The following DPP6 variants were observed in gnomAD, a reference collection of about 807,000 sequenced individuals.
DPP6 encodes A-type potassium channel modulatory protein DPP6.
In DPP6, 69 loss-of-function variants were observed where a neutral mutation model predicts 122.6. The ratio of observed to expected loss-of-function variants is 0.56; its 90% confidence interval spans 0.46 to 0.69. The LOEUF is 0.69. Among genes scored for constraint, DPP6 ranks in the 30% least tolerant of loss-of-function variants. DPP6 has a pLI of 0.00. For synonymous variants in DPP6, 418 were observed against 433.1 expected (o/e 0.97, Z 0.43); for missense variants, 928 against 1,116.9 (o/e 0.83, Z 2.41).
chr7:153,878,296 C>T, the DPP6 span, among the ~76,000 whole-genome samples: 1 of 151,864 alleles, frequency 6.6e-6, no homozygotes, highest in Non-Finnish European at 1.5e-5. Context: ...GATATATAGC[C>T]TTCAGAAATT....
intron 3 of DPP6, among the ~76,000 whole-genome samples, chr7:154,531,701 C>T (rs906969872): frequency 4.6e-5 from 7 of 151,976 alleles, no homozygotes; most frequent in African/African-American, 1.7e-4. Flanking sequence ...TAAACTAAAA[C>T]TATAACATTG....
At chr7:154,076,192 A>G (rs1016872696) in intron 1 of DPP6, among the ~76,000 whole-genome samples, 13 of 152,304 alleles carry the variant, frequency 8.5e-5, no homozygotes, top group Admixed American at 6.5e-4. Flanking sequence ...CCTCACACCT[A>G]TAATCCCAGC....
intron 1 of DPP6, among the ~76,000 whole-genome samples, chr7:154,363,375 G>C (rs967666026): frequency 1.3e-5 from 2 of 152,230 alleles, no homozygotes; most frequent in Non-Finnish European, 2.9e-5. Context: ...TCAAGAGAGG[G>C]TTGGGTAGGG....
intron 1 of DPP6, among the ~76,000 whole-genome samples, chr7:154,002,995 C>A (rs1325551925): frequency 6.6e-6 from 1 of 151,956 alleles, no homozygotes; most frequent in Admixed American, 6.6e-5. Flanking sequence ...TGAGTTCAGG[C>A]TAAAACAGGG....
intron 2 of DPP6, among the ~76,000 whole-genome samples, chr7:154,466,124 A>G (rs1041357635): frequency 6.6e-6 from 1 of 151,878 alleles, no homozygotes; most frequent in African/African-American, 2.4e-5. Context: ...CAAATACTGC[A>G]TGTTCTCACT....
At chr7:154,387,333 G>A (rs1814207516) in intron 1 of DPP6, among the ~76,000 whole-genome samples, 2 of 152,302 alleles carry the variant, frequency 1.3e-5, no homozygotes, top group South Asian at 4.1e-4. Flanking sequence ...GACTAGGAGG[G>A]GAGGGAGTCA....
At chr7:154,626,540 G>T (rs549917493) in intron 5 of DPP6, among the ~76,000 whole-genome samples, 1 of 152,328 alleles carries the variant, frequency 6.6e-6, no homozygotes, top group East Asian at 1.9e-4. Flanking sequence ...ACTAGGGATT[G>T]ATCAGAAAAG....
At chr7:154,257,216 T>A (rs567169049) in intron 1 of DPP6, among the ~76,000 whole-genome samples, 59 of 152,046 alleles carry the variant, frequency 3.9e-4, no homozygotes, top group African/African-American at 1.4e-3. Flanking sequence ...CTCGTGCTCC[T>A]GCCCAAAAGG....
At chr7:154,251,090 A>T (rs2150895549) in intron 1 of DPP6, among the ~76,000 whole-genome samples, 1 of 152,350 alleles carries the variant, frequency 6.6e-6, no homozygotes, top group Non-Finnish European at 1.5e-5. Context: ...GAAAATGTTT[A>T]TAAGAGTCTG....
chr7:154,064,376 C>T (rs1239219080), intron 1 of DPP6, among the ~76,000 whole-genome samples: 2 of 152,196 alleles, frequency 1.3e-5, no homozygotes, highest in South Asian at 2.1e-4. Context: ...CACCCCATGC[C>T]TTCCCACCTC....
At chr7:154,576,428 C>A (rs1391710451) in intron 5 of DPP6, among the ~76,000 whole-genome samples, 4 of 152,168 alleles carry the variant, frequency 2.6e-5, no homozygotes, top group Non-Finnish European at 4.4e-5. Context: ...GGTGCCTTCT[C>A]CCCCTAGAAC....
At chr7:154,357,671 G>T (rs1811381654) in intron 1 of DPP6, among the ~76,000 whole-genome samples, 1 of 151,736 alleles carries the variant, frequency 6.6e-6, no homozygotes, top group Admixed American at 6.6e-5. Context: ...AGCTGGGCCT[G>T]GTGGCTCATG....
intron 1 of DPP6, among the ~76,000 whole-genome samples, chr7:154,299,727 C>A (rs1036149982): frequency 3.3e-5 from 5 of 152,196 alleles, no homozygotes; most frequent in Non-Finnish European, 5.9e-5. Context: ...CTGAGCAAAT[C>A]AGCCGGCAGG....
intron 1 of DPP6, among the ~76,000 whole-genome samples, chr7:154,382,616 T>C (rs1455008670): frequency 6.6e-6 from 1 of 152,270 alleles, no homozygotes; most frequent in Non-Finnish European, 1.5e-5. Context: ...GCGCTCTTCA[T>C]GTGTTTTTTC....
At chr7:154,651,587 T>C (rs1032175100) in intron 6 of DPP6, among the ~76,000 whole-genome samples, 1 of 152,150 alleles carries the variant, frequency 6.6e-6, no homozygotes, top group Non-Finnish European at 1.5e-5. Context: ...GGGGCCCTAA[T>C]TGTGTCAGGT....
intron 1 of DPP6, among the ~76,000 whole-genome samples, chr7:154,327,163 G>C (rs1356594662): frequency 1.3e-5 from 2 of 152,100 alleles, no homozygotes; most frequent in Non-Finnish European, 2.9e-5. Context: ...TAGGCTTCCA[G>C]GCAAAGTGGA....
intron 5 of DPP6, among the ~76,000 whole-genome samples, chr7:154,619,647 C>T (rs1425654493): frequency 6.6e-6 from 1 of 152,184 alleles, no homozygotes; most frequent in East Asian, 1.9e-4. Context: ...GAATTGACAG[C>T]AGAAAGCCCA....
At chr7:154,288,024 G>A (rs1285389511) in intron 1 of DPP6, among the ~76,000 whole-genome samples, 1 of 152,208 alleles carries the variant, frequency 6.6e-6, no homozygotes, top group Non-Finnish European at 1.5e-5. Context: ...TGAGACATAT[G>A]TGTCCCCCTA....
chr7:153,947,291 G>A (rs72617383), intron 1 of DPP6, among the ~76,000 whole-genome samples: 8,714 of 152,082 alleles, frequency 0.057, 643 homozygotes, highest in East Asian at 0.36. Flanking sequence ...ACAGTCTTGG[G>A]AGCCTGTAGG....
Sources: gnomAD v4.1 joint callset for allele counts (sites outside exome capture counted in the v4.1 genomes callset) on GRCh38, gnomAD v4.1.1 for gene constraint, MANE v1.5 for transcripts, NCBI Gene and HGNC (gene_info 2026-07-23, HGNC 2026-07-21) for gene names.